Variants in FHDC1 observed in about 807,000 individuals in gnomAD.
FHDC1 encodes the protein FH2 domain-containing protein 1.
A neutral mutation model predicts 52.6 loss-of-function variants in FHDC1; 25 were observed. The ratio of observed to expected loss-of-function variants is 0.48; its 90% CI spans 0.35 to 0.66. The LOEUF is 0.66. Ranked by LOEUF, FHDC1 falls within the 30% of genes least tolerant of loss-of-function variation. The pLI is 0.01. For synonymous variants in FHDC1, 616 were observed against 581.5 expected (o/e 1.06, Z -0.85); for missense variants, 1,459 against 1,452.8 (o/e 1.00, Z -0.07).
chr4:152,957,951 G>A (rs1740153846), intron 4 of FHDC1, among the ~76,000 whole-genome samples: 1 of 152,196 alleles, frequency 6.6e-6, no homozygotes, highest in African/African-American at 2.4e-5. Flanking sequence ...CCCTTCCTCT[G>A]TTGTGGGCTG....
chr4:152,952,255 G>A lies in FHDC1; in HGVS notation c.499-1244G>A, dbSNP rs558807360. Among the ~76,000 whole-genome samples the A allele has an allele frequency of 3.4e-4, 52 of 152,074 alleles. No homozygotes were observed. The South Asian group carries it at 8.5e-3, about 25-fold the overall frequency. On this transcript the variant is annotated intron_variant, in intron 2 of 11. Coordinates refer to ENST00000511601, the MANE Select transcript of FHDC1 (RefSeq NM_001371116.1). ...AATATGACTTTATTGGTTCTTTTAC[G>A]TCCATAAATCAGGGTTGGGACTCAA...
the FHDC1 span, among the ~76,000 whole-genome samples, chr4:152,925,496 A>G: frequency 1.3e-5 from 2 of 152,204 alleles, no homozygotes; most frequent in Admixed American, 6.5e-5. Context: ...ACAGAGAGAA[A>G]GAGTCTGATG....
At chr4:152,952,487 A>G (rs888311694) in intron 2 of FHDC1, among the ~76,000 whole-genome samples, 4 of 152,238 alleles carry the variant, frequency 2.6e-5, no homozygotes, top group Non-Finnish European at 5.9e-5. Flanking sequence ...AATTCAACCA[A>G]CCATGAATCA....
At chr4:152,935,646 CGG>C (rs1452503386), upstream of FHDC1, among the ~76,000 whole-genome samples, 4 of 152,134 alleles carry the variant, frequency 2.6e-5, no homozygotes, top group Non-Finnish European at 5.9e-5. Flanking sequence ...AAATAAAAAA[CGG>C]TAACAAATTT....
At chr4:152,949,151 G>GAAGAAT (rs1739842696) in intron 2 of FHDC1, among the ~76,000 whole-genome samples, 1 of 149,502 alleles carries the variant, frequency 6.7e-6, no homozygotes, top group Non-Finnish European at 1.5e-5. Flanking sequence ...AGAAGAAGAA[G>GAAGAAT]AAGAAGAAGA....
intron 9 of FHDC1, among the ~76,000 whole-genome samples, chr4:152,966,791 A>G (rs904216912): frequency 6.6e-6 from 1 of 152,124 alleles, no homozygotes; most frequent in Non-Finnish European, 1.5e-5. Flanking sequence ...TTTGATGTAT[A>G]TAACAAAAGC....
At chr4:152,950,520 A>C (rs1739893675) in intron 2 of FHDC1, among the ~76,000 whole-genome samples, 1 of 152,186 alleles carries the variant, frequency 6.6e-6, no homozygotes. Flanking sequence ...AATATCACCC[A>C]ATTCTCTTTG....
chr4:152,976,987 C>A lies in FHDC1; in HGVS notation c.*264C>A. ...CTCCCCCATGCACCCCACCCTCCCC[C>A]AAAGCCCGGATCCCGAGAAAGATTT... On this transcript the variant is annotated 3_prime_UTR_variant, in exon 12 of 12. Transcript: ENST00000511601. The A allele has an allele frequency of 3.2e-6, 1 of 309,568 alleles. No individual in the cohort carries two copies. Among genetic ancestry groups the A allele is most frequent in the Non-Finnish European group, 5.7e-6 (1 of 175,140 alleles). 19.2% of individuals were successfully genotyped at this position (309,568 alleles called of 1,614,324 possible).
At chr4:152,911,722 G>A in the FHDC1 span, 1 of 152,448 alleles carries the variant, frequency 6.6e-6, no homozygotes, top group East Asian at 1.9e-4. Context: ...CCTGTTTTGA[G>A]TGCTTAATAC....
In FHDC1 at chr4:152,972,392, C is replaced by T. The variant is rs1241548646; in HGVS notation, c.1234C>T (p.Leu412=). 1 of 1,597,802 alleles carries T rather than the reference C, an allele frequency of 6.3e-7. No homozygotes were observed. The highest frequency in any genetic ancestry group is 1.1e-5 in the South Asian group (1 of 87,362). The change falls in exon 11 of 12, where the codon CTG becomes TTG. Residue 412 remains leucine (L), a synonymous_variant. Coordinates refer to ENST00000511601, the MANE Select transcript of FHDC1 (RefSeq NM_001371116.1). ...TTTTCCGCAGTTTGCCATAGAAAAGCTGAGGGAACTGGAATGCTGGAAACA... is the reference window on the plus strand; with the variant it reads ...TTTTCCGCAGTTTGCCATAGAAAAGTTGAGGGAACTGGAATGCTGGAAACA... ...EDFLQFAIEK[L]RELECWKQEL... is the part of the protein sequence containing the mutation.
At chr4:152,960,907 A>G in intron 6 of FHDC1, 63 bp downstream of exon 6, 1 of 1,245,238 alleles carries the variant, frequency 8.0e-7, no homozygotes, top group Non-Finnish European at 1.1e-6. Flanking sequence ...AGTTTTTTAA[A>G]AAAGCCAAAT....
chr4:152,954,377 T>C lies in FHDC1; in HGVS notation c.663+58T>C, dbSNP rs551336129. The C allele has an allele frequency of 1.6e-4, 226 of 1,438,260 alleles. 2 individuals carry two copies. The highest frequency in any genetic ancestry group is 3.5e-4 in the Middle Eastern group (2 of 5,722). The allele number at this position is 1,438,260 out of a possible 1,614,324, so 89.1% of individuals were successfully genotyped here. ...AGGAGTGATCATAAAAGCTTAATAT[T>C]TTTAAGTGTGTCAAAGCTCACATGG... On this transcript the variant is annotated intron_variant, in intron 4 of 11. Coordinates refer to ENST00000511601, the MANE Select transcript of FHDC1 (RefSeq NM_001371116.1).
chr4:152,938,042 G>C (rs1739451449), intron 1 of FHDC1, among the ~76,000 whole-genome samples: 1 of 152,160 alleles, frequency 6.6e-6, no homozygotes, highest in Non-Finnish European at 1.5e-5. Context: ...CGGACTTAAT[G>C]GTCGGTTTTC....
intron 2 of FHDC1, among the ~76,000 whole-genome samples, chr4:152,950,191 C>T (rs1473215464): frequency 1.3e-5 from 2 of 152,156 alleles, no homozygotes; most frequent in Non-Finnish European, 2.9e-5. Context: ...CCCAACCCGA[C>T]CCGACTTTGT....
At chr4:152,954,930 C>T (rs922592949) in intron 4 of FHDC1, among the ~76,000 whole-genome samples, 3 of 152,086 alleles carry the variant, frequency 2.0e-5, no homozygotes, top group African/African-American at 7.2e-5. Context: ...ATGATGCTGA[C>T]CTCATTGGAT....
At chr4:152,969,077 C>T (rs530670973) in intron 10 of FHDC1, among the ~76,000 whole-genome samples, 3 of 148,208 alleles carry the variant, frequency 2.0e-5, no homozygotes, top group South Asian at 2.1e-4. Context: ...CTTCTTTTAT[C>T]TTCCTTATTA....
At chr4:152,922,445 C>T in the FHDC1 span, among the ~76,000 whole-genome samples, 4 of 152,122 alleles carry the variant, frequency 2.6e-5, no homozygotes, top group Non-Finnish European at 5.9e-5. Context: ...GGAACTGGTA[C>T]CATTCCTTCT....
At chr4:152,927,912 C>T in the FHDC1 span, 1 of 1,394,138 alleles carries the variant, frequency 7.2e-7, no homozygotes, top group African/African-American at 1.4e-5. Flanking sequence ...TTGGCAGGAG[C>T]TGTGAAGCGT....
At chr4:152,915,926 T>C in the FHDC1 span, among the ~76,000 whole-genome samples, 1 of 152,300 alleles carries the variant, frequency 6.6e-6, no homozygotes, top group African/African-American at 2.4e-5. Flanking sequence ...GCCTTGGATA[T>C]AATGAGATAT....
Sources: gnomAD v4.1 joint callset for allele counts (sites outside exome capture counted in the v4.1 genomes callset) on GRCh38, gnomAD v4.1.1 for gene constraint, MANE v1.5 for transcripts, NCBI Gene and HGNC (gene_info 2026-07-23, HGNC 2026-07-21) for gene names.